Variants in TFAP2D observed in about 807,000 individuals in gnomAD.
TFAP2D encodes transcription factor AP-2 delta, also known as transcription factor AP-2-delta.
TFAP2D carries 9 observed loss-of-function variants against 43.6 expected under a neutral mutation model. The ratio of observed to expected loss-of-function variants is 0.21; its 90% CI spans 0.12 to 0.36. TFAP2D has a LOEUF of 0.36. TFAP2D is among the 10% of genes least tolerant of loss of function. The pLI, the probability that TFAP2D is intolerant of heterozygous loss-of-function variation, is 1.00. For missense variants in TFAP2D, 513 were observed against 561.4 expected, an observed-to-expected ratio of 0.91 and a Z score of 0.87; for synonymous variants, 256 against 224.9, an observed-to-expected ratio of 1.14 and a Z score of -1.24.
intron 6 of TFAP2D, among the ~76,000 whole-genome samples, chr6:50,747,909 A>T (rs761206251): frequency 5.9e-5 from 9 of 152,082 alleles, no homozygotes; most frequent in Non-Finnish European, 7.4e-5. Context: ...TTGTGAGAAC[A>T]TGTAATTTTA....
intron 3 of TFAP2D, among the ~76,000 whole-genome samples, chr6:50,727,518 G>A (rs570526956): frequency 1.3e-5 from 2 of 152,224 alleles, no homozygotes; most frequent in East Asian, 3.9e-4. Context: ...ATCATCTGAG[G>A]CTCTCATTAA....
At chr6:50,746,357 C>G (rs1000517436) in intron 6 of TFAP2D, among the ~76,000 whole-genome samples, 1 of 152,028 alleles carries the variant, frequency 6.6e-6, no homozygotes, top group African/African-American at 2.4e-5. Context: ...CCCACCTCAG[C>G]CTCCCGAGTA....
intron 6 of TFAP2D, among the ~76,000 whole-genome samples, chr6:50,750,908 TG>T (rs939375506): frequency 1.3e-5 from 2 of 152,024 alleles, no homozygotes; most frequent in African/African-American, 4.8e-5. Flanking sequence ...TCATTTCATA[TG>T]GGGTTCCCCT....
intron 5 of TFAP2D, among the ~76,000 whole-genome samples, chr6:50,743,025 C>A (rs1769075330): frequency 1.3e-5 from 2 of 149,162 alleles, no homozygotes; most frequent in African/African-American, 4.9e-5. Flanking sequence ...GCCAAATATT[C>A]ACATATTTTC....
At chr6:50,749,007 T>TA (rs1168654080) in intron 6 of TFAP2D, among the ~76,000 whole-genome samples, 2 of 151,728 alleles carry the variant, frequency 1.3e-5, no homozygotes, top group African/African-American at 4.8e-5. Flanking sequence ...GATTTATAAA[T>TA]AAAAAATTAA....
intron 3 of TFAP2D, among the ~76,000 whole-genome samples, chr6:50,725,429 G>A (rs1768793882): frequency 6.6e-6 from 1 of 152,220 alleles, no homozygotes; most frequent in Non-Finnish European, 1.5e-5. Flanking sequence ...TGAACTTTGT[G>A]AAAGTATTGC....
Position 50,715,548 on chromosome 6 carries a change from C to G in TFAP2D, c.472C>G (p.Pro158Ala), listed in dbSNP as rs1163307286. The change falls in exon 2 of 8, where the codon CCA (proline) becomes GCA (alanine). Residue 158 changes from proline (P) to alanine (A), a missense_variant. This residue lies in a region of TFAP2D where 311 missense variants were observed against 316.2 expected (regional missense o/e 0.98). Transcript: ENST00000008391. ...CCATGGCTCTCAGTATGGAATGCAC[C>G]CAGATCAAAGACTCCTGCCAGGGCC... ...MSHGSQYGMH[P>A]DQRLLPGPSL... 1 of 1,611,276 alleles carries G rather than the reference C, an allele frequency of 6.2e-7. No homozygotes were observed. The highest frequency in any genetic ancestry group is 1.1e-5 in the South Asian group (1 of 91,076).
chr6:50,714,924 C>A (rs755039158), intron 1 of TFAP2D, among the ~76,000 whole-genome samples, 192 bp from the exon 2 acceptor site: 1 of 152,108 alleles, frequency 6.6e-6, no homozygotes, highest in Non-Finnish European at 1.5e-5. Flanking sequence ...GGCCGCCCAC[C>A]CCCAGTTCGC....
At chr6:50,754,355 TGTGTGTAA>T (rs1212101533) in intron 7 of TFAP2D, among the ~76,000 whole-genome samples, 1 of 151,992 alleles carries the variant, frequency 6.6e-6, no homozygotes, top group Non-Finnish European at 1.5e-5. Flanking sequence ...TGTGTGTGTG[TGTGTGTAA>T]GTGTGTATGT....
At chr6:50,749,248 C>G (rs1769166439) in intron 6 of TFAP2D, among the ~76,000 whole-genome samples, 1 of 151,544 alleles carries the variant, frequency 6.6e-6, no homozygotes, top group Non-Finnish European at 1.5e-5. Context: ...TAAATTTTTC[C>G]ACCTCTTTAG....
chr6:50,764,253 G>T (rs1769409524), intron 7 of TFAP2D, among the ~76,000 whole-genome samples: 1 of 151,980 alleles, frequency 6.6e-6, no homozygotes, highest in South Asian at 2.1e-4. Flanking sequence ...CTTAAAAAAA[G>T]GTCTCAATTT....
chr6:50,745,054 T>A lies in TFAP2D; in HGVS notation c.884-53T>A. 1.9e-6 allele frequency: 3 copies of A among 1,602,584 alleles called. No homozygotes were observed. The South Asian group carries it at 3.3e-5, about 18-fold the overall frequency. On this transcript the variant is annotated intron_variant, in intron 5 of 7. Coordinates refer to ENST00000008391, the MANE Select transcript of TFAP2D (RefSeq NM_172238.4). Reference sequence around the variant, plus strand: ...GCTTGAGCAAAATGCAAGACACTACTGTTATTAAGGTTGGATACTGGTGAG... The same window carrying A: ...GCTTGAGCAAAATGCAAGACACTACAGTTATTAAGGTTGGATACTGGTGAG...
intron 2 of TFAP2D, among the ~76,000 whole-genome samples, chr6:50,717,686 T>A (rs1768649184): frequency 6.6e-6 from 1 of 152,234 alleles, no homozygotes; most frequent in Admixed American, 6.5e-5. Context: ...TATCATAATA[T>A]ATATCCATCT....
chr6:50,754,403 T>C (rs967018068), intron 7 of TFAP2D, among the ~76,000 whole-genome samples: 1 of 151,838 alleles, frequency 6.6e-6, no homozygotes, highest in Non-Finnish European at 1.5e-5. Flanking sequence ...TATCGATTCA[T>C]TCATTGATGG....
chr6:50,723,353 C>T (rs1239248517), intron 3 of TFAP2D, among the ~76,000 whole-genome samples: 1 of 152,206 alleles, frequency 6.6e-6, no homozygotes, highest in Non-Finnish European at 1.5e-5. Context: ...CAGGAAGGCC[C>T]AGAGCCTTGG....
chr6:50,725,941 G>T (rs1361398154), intron 3 of TFAP2D, among the ~76,000 whole-genome samples: 1 of 152,200 alleles, frequency 6.6e-6, no homozygotes, highest in Non-Finnish European at 1.5e-5. Context: ...CTTTAAAGAT[G>T]CTGTGACATA....
chr6:50,722,815 G>A (rs561342652), intron 3 of TFAP2D, among the ~76,000 whole-genome samples: 1 of 151,992 alleles, frequency 6.6e-6, no homozygotes, highest in Non-Finnish European at 1.5e-5. Flanking sequence ...AACTAAAAAG[G>A]GGGGGGCGGG....
chr6:50,768,639 A>T (rs139361799), intron 7 of TFAP2D, among the ~76,000 whole-genome samples: 160 of 152,274 alleles, frequency 1.1e-3, no homozygotes, highest in Non-Finnish European at 1.9e-3. Context: ...ATTGTAGTAC[A>T]TTAGATTACT....
intron 5 of TFAP2D, among the ~76,000 whole-genome samples, chr6:50,737,314 CT>C: frequency 6.6e-6 from 1 of 152,194 alleles, no homozygotes; most frequent in Middle Eastern, 3.4e-3. Flanking sequence ...AAATTGCAGG[CT>C]GTAATTATTC....
Sources: allele counts gnomAD v4.1 joint callset (sites outside exome capture counted in the v4.1 genomes callset), GRCh38; gene constraint gnomAD v4.1.1; regional missense constraint gnomAD v4.1.1; transcripts MANE v1.5; gene names NCBI Gene and HGNC (gene_info 2026-07-23, HGNC 2026-07-21).